Variants in CYP2C18 observed in about 807,000 individuals in gnomAD.
CYP2C18 encodes cytochrome P450 family 2 subfamily C member 18.
In CYP2C18, 38 loss-of-function variants were observed where a neutral mutation model predicts 41.3. The ratio of observed to expected loss-of-function variants is 0.92; its 90% CI spans 0.71 to 1.21. CYP2C18 has a LOEUF of 1.21. Ranked by LOEUF, CYP2C18 falls within the 50% of genes most tolerant of loss-of-function variation. The pLI, the probability that CYP2C18 is intolerant of heterozygous loss-of-function variation, is 0.00. For missense variants in CYP2C18, 635 were observed against 591.4 expected (o/e 1.07, Z -0.77); for synonymous variants, 236 against 210.0 (o/e 1.12, Z -1.07).
chr10:94,712,485 T>A (rs1055196647), intron 5 of CYP2C18, among the ~76,000 whole-genome samples: 1 of 152,128 alleles, frequency 6.6e-6, no homozygotes, highest in South Asian at 2.1e-4. Context: ...CATAATGTTC[T>A]CCAGTTCCAT....
intron 7 of CYP2C18, chr10:94,728,790 A>G (rs1847785108): frequency 6.3e-6 from 1 of 158,910 alleles, no homozygotes; most frequent in South Asian, 2.0e-4. Flanking sequence ...CCATGTACAC[A>G]GGGAAAAGAG....
rs1429947399 is a variant in CYP2C18 at position 94,735,264 on chromosome 10, A to C, written c.1293A>C (p.Gly431=). ...ATCCCCTATGTCTCTTATTTTCAGG[A>C]AAACGGATGTGTATGGGAGAGGGCC... ...KSDYFMPFSA[G]KRMCMGEGLA... Residue 431 remains glycine (G), a splice_region_variant and synonymous_variant, in exon 9 of 9, where the codon GGA becomes GGC. Transcript: ENST00000285979. The C allele has an allele frequency of 1.9e-6, 3 of 1,613,160 alleles. No homozygotes were observed. The highest frequency in any genetic ancestry group is 2.7e-5 in the African/African-American group (2 of 74,858).
intron 3 of CYP2C18, among the ~76,000 whole-genome samples, chr10:94,689,583 C>T (rs1257256224): frequency 2.0e-5 from 3 of 152,094 alleles, no homozygotes; most frequent in Non-Finnish European, 2.9e-5. Context: ...GGCATTGGTT[C>T]TAGGACTCCT....
chr10:94,727,498 C>T (rs1363032270), intron 7 of CYP2C18, among the ~76,000 whole-genome samples: 1 of 151,770 alleles, frequency 6.6e-6, no homozygotes. Context: ...GCCTGTAGTC[C>T]CAGCTACTTG....
intron 6 of CYP2C18, among the ~76,000 whole-genome samples, 156 bp from the exon 7 acceptor site, chr10:94,724,190 A>G (rs1847693486): frequency 6.6e-6 from 1 of 151,820 alleles, no homozygotes; most frequent in African/African-American, 2.4e-5. Flanking sequence ...TGTATCTATA[A>G]TGTAGTAATT....
chr10:94,720,168 A>C (rs2134202202), intron 5 of CYP2C18, among the ~76,000 whole-genome samples: 1 of 152,284 alleles, frequency 6.6e-6, no homozygotes, highest in African/African-American at 2.4e-5. Context: ...CACAGCTCCA[A>C]AAGATATTCA....
rs2134202463 is a variant in CYP2C18 at position 94,720,500 on chromosome 10, T to C, written c.924T>C (p.Tyr308=). ...GTETTSTTLR[Y]GLLLLLKYPE... ...AGACAACGAGCACCACTCTGAGATA[T>C]GGACTCCTGCTCCTGCTGAAGTACC... Residue 308 remains tyrosine, a synonymous_variant, in exon 6 of 9, where the codon TAT becomes TAC. Transcript: ENST00000285979. 6.2e-7 allele frequency: 1 copy of C among 1,613,420 alleles called. No homozygotes were observed. Among genetic ancestry groups the C allele is most frequent in the South Asian group, 1.1e-5 (1 of 91,056 alleles).
Position 94,687,926 on chromosome 10 carries a change from G to A in CYP2C18, c.325G>A (p.Gly109Arg), listed in dbSNP as rs145731435. The change falls in exon 2 of 9, where the codon GGA becomes AGA. Residue 109 changes from glycine (G) to arginine (R), a missense_variant. Physicochemically the swap from Gly to Arg is moderately radical, Grantham distance 125 (BLOSUM62 -2). Coordinates refer to ENST00000285979, the MANE Select transcript of CYP2C18 (RefSeq NM_000772.3). ...SFPVAEKVNK[G>R]LGILFSNGKR... ...TCCAGTGGCTGAAAAAGTTAACAAA[G>A]GACTTGGTAAATGTGCATGTATCGT... is the stretch of plus-strand genomic sequence containing the variant. 59 of 1,613,414 alleles carry A rather than the reference G, an allele frequency of 3.7e-5. No individual in the cohort carries two copies. The highest frequency in any genetic ancestry group is 1.6e-4 in the Middle Eastern group (1 of 6,070).
intron 5 of CYP2C18, among the ~76,000 whole-genome samples, chr10:94,707,914 A>T (rs900421269): frequency 6.6e-6 from 1 of 152,138 alleles, no homozygotes; most frequent in African/African-American, 2.4e-5. Context: ...GAATAGTGGT[A>T]GGGTCAATAT....
At position 94,735,292 on chromosome 10, in the gene CYP2C18, G is replaced by A; in HGVS notation, c.1321G>A (p.Ala441Thr). 6.2e-7 allele frequency: 1 copy of A among 1,613,574 alleles called. No individual in the cohort carries two copies. Among genetic ancestry groups the A allele is most frequent in the African/African-American group, 1.3e-5 (1 of 75,002 alleles). Residue 441 changes from alanine (A) to threonine (T), a missense_variant, in exon 9 of 9, where the codon GCC becomes ACC. Physicochemically the swap from Ala to Thr is moderately conservative, Grantham distance 58. Transcript: ENST00000285979. ...ACGGATGTGTATGGGAGAGGGCCTGGCCCGCATGGAGCTGTTTTTATTCCT... is the reference window on the plus strand; with the variant it reads ...ACGGATGTGTATGGGAGAGGGCCTGACCCGCATGGAGCTGTTTTTATTCCT... Reference protein sequence around the residue: ...GKRMCMGEGLARMELFLFLTT... With the variant: ...GKRMCMGEGLTRMELFLFLTT...
In CYP2C18 at chr10:94,706,543, T is replaced by A. The variant is rs549313425; in HGVS notation, c.643-241T>A. Among the ~76,000 whole-genome samples, 3 of 152,294 alleles carry A rather than the reference T, an allele frequency of 2.0e-5. No individual in the cohort carries two copies. The East Asian group carries it at 5.8e-4, about 29-fold the overall frequency. ...ATGAGATAATTGACATGAAGCTATTTTAATATTCTGAAAATAATATATGAG... is the reference window on the plus strand; with the variant it reads ...ATGAGATAATTGACATGAAGCTATTATAATATTCTGAAAATAATATATGAG... On this transcript the variant is annotated intron_variant, in intron 4 of 8. Coordinates refer to ENST00000285979, the MANE Select transcript of CYP2C18 (RefSeq NM_000772.3).
At position 94,720,495 on chromosome 10, in the gene CYP2C18, A is replaced by G. The variant is rs764737049; in HGVS notation, c.919A>G (p.Arg307Gly). 6.2e-6 allele frequency: 10 copies of G among 1,613,404 alleles called. No homozygotes were observed. The highest frequency in any genetic ancestry group is 8.5e-6 in the Non-Finnish European group (10 of 1,179,570). ...AACAGAGACAACGAGCACCACTCTG[A>G]GATATGGACTCCTGCTCCTGCTGAA... ...AGTETTSTTL[R>G]YGLLLLLKYP... The change falls in exon 6 of 9, where the codon AGA (arginine) becomes GGA (glycine). Residue 307 changes from arginine (R) to glycine (G), a missense_variant. Transcript: ENST00000285979.
chr10:94,691,282 T>G (rs1195365404), intron 3 of CYP2C18, among the ~76,000 whole-genome samples: 1 of 152,194 alleles, frequency 6.6e-6, no homozygotes. Context: ...CCCCATCATC[T>G]CAGCCCAAAA....
intron 3 of CYP2C18, among the ~76,000 whole-genome samples, chr10:94,694,285 A>G (rs918094853): frequency 6.6e-6 from 1 of 152,174 alleles, no homozygotes; most frequent in African/African-American, 2.4e-5. Context: ...TAGGTTTGAA[A>G]TGAAAGTTTC....
rs1042194 is a variant in CYP2C18, at chr10:94,735,727, G to T, written c.*283G>T. Reference sequence around the variant, plus strand: ...CTGAGTTGTCAGTATGTTATCACTAGAAAACAAAGAAAAATGATTAATAAA... The same window carrying T: ...CTGAGTTGTCAGTATGTTATCACTATAAAACAAAGAAAAATGATTAATAAA... On this transcript the variant is annotated 3_prime_UTR_variant, in exon 9 of 9. Transcript: ENST00000285979. The T allele has an allele frequency of 0.18, 62,659 of 351,756 alleles. 6,139 individuals are homozygous for T. The highest frequency in any genetic ancestry group is 0.35 in the South Asian group (4,079 of 11,816). The allele number at this position is 351,756 out of a possible 1,614,324, so 21.8% of individuals were successfully genotyped here.
At chr10:94,730,344 A>G (rs1361660201) in intron 7 of CYP2C18, among the ~76,000 whole-genome samples, 1 of 152,176 alleles carries the variant, frequency 6.6e-6, no homozygotes, top group Non-Finnish European at 1.5e-5. Context: ...GTAACAGAAC[A>G]TTACCTAGTA....
intron 4 of CYP2C18, among the ~76,000 whole-genome samples, chr10:94,695,903 A>C (rs945873815): frequency 6.6e-6 from 1 of 152,140 alleles, no homozygotes; most frequent in Non-Finnish European, 1.5e-5. Context: ...GCAGTCTGAG[A>C]TCAAACTGCA....
intron 4 of CYP2C18, among the ~76,000 whole-genome samples, chr10:94,704,051 G>T (rs1184331397): frequency 6.6e-6 from 1 of 152,096 alleles, no homozygotes; most frequent in Non-Finnish European, 1.5e-5. Flanking sequence ...TGCCATCCGT[G>T]GGCTGCACCC....
chr10:94,706,736 G>C (rs59945994), intron 4 of CYP2C18, 48 bp from the exon 5 acceptor site: 1 of 1,072,082 alleles, frequency 9.3e-7, no homozygotes, highest in Non-Finnish European at 1.3e-6. Flanking sequence ...TATGGCATAT[G>C]TCTTCAATAC....
Sources: gnomAD v4.1 joint callset for allele counts (sites outside exome capture counted in the v4.1 genomes callset) on GRCh38, gnomAD v4.1.1 for gene constraint, MANE v1.5 for transcripts, NCBI Gene and HGNC (gene_info 2026-07-23, HGNC 2026-07-21) for gene names.